Variants in PARVA observed in about 807,000 individuals in gnomAD.
PARVA encodes parvin alpha.
Under a neutral mutation model 52.6 loss-of-function variants are expected in PARVA, and 25 were observed. That is an observed-to-expected ratio of 0.48 (90% CI 0.35 to 0.66). The LOEUF (loss-of-function observed/expected upper bound fraction) is 0.66. PARVA is among the 30% of genes least tolerant of loss of function. PARVA has a pLI of 0.01. For synonymous variants in PARVA, 185 were observed against 179.1 expected, an observed-to-expected ratio of 1.03 and a Z score of -0.26; for missense variants, 373 against 450.9, an observed-to-expected ratio of 0.83 and a Z score of 1.56.
intron 1 of PARVA, among the ~76,000 whole-genome samples, chr11:12,396,747 C>G (rs1939752584): frequency 6.6e-6 from 1 of 152,134 alleles, no homozygotes; most frequent in African/African-American, 2.4e-5. Flanking sequence ...GTGTATTAAC[C>G]TAGCTAAAAC....
rs759885938 is a variant in PARVA at position 12,513,389 on chromosome 11, AG to A, written c.798+32del. The A allele has an allele frequency of 7.5e-6, 12 of 1,594,410 alleles. No homozygotes were observed. The East Asian group carries it at 2.7e-4, about 36-fold the overall frequency. The stretch of plus-strand genomic sequence containing the variant: ...GGAAAGGGGTGCCTGGGATGGACAG[AG>A]GGAAGCGAGATGCAACAGAACATTG... On this transcript the variant is annotated intron_variant, in intron 9 of 12. Coordinates refer to ENST00000334956, the MANE Select transcript of PARVA (RefSeq NM_018222.5).
chr11:12,385,626 C>A (rs941903030), intron 1 of PARVA, among the ~76,000 whole-genome samples: 2 of 152,122 alleles, frequency 1.3e-5, no homozygotes, highest in African/African-American at 4.8e-5. Context: ...CTTTATGAGA[C>A]CTATGACCTG....
intron 1 of PARVA, among the ~76,000 whole-genome samples, chr11:12,446,313 A>G (rs1940547219): frequency 6.6e-6 from 1 of 152,180 alleles, no homozygotes. Context: ...ACTGTGAGTT[A>G]CCACTCCCAC....
At chr11:12,377,897 G>A (rs1310840427) in intron 1 of PARVA, 114 bp downstream of exon 1, 5 of 557,416 alleles carry the variant, frequency 9.0e-6, no homozygotes, top group Non-Finnish European at 1.3e-5. Context: ...CGGCGCGGTG[G>A]GGCGCGCGGC....
intron 1 of PARVA, among the ~76,000 whole-genome samples, chr11:12,434,879 A>G (rs1047514838): frequency 1.3e-5 from 2 of 152,032 alleles, no homozygotes; most frequent in African/African-American, 4.8e-5. Context: ...GAAGATAATC[A>G]CTTAGTCTGC....
intron 1 of PARVA, among the ~76,000 whole-genome samples, chr11:12,378,125 C>T (rs1401985354): frequency 6.6e-6 from 1 of 151,750 alleles, no homozygotes; most frequent in African/African-American, 2.4e-5. Flanking sequence ...GGGGCCCCAG[C>T]CCGCAGACAG....
intron 7 of PARVA, among the ~76,000 whole-genome samples, chr11:12,509,320 A>G (rs924790079): frequency 6.6e-6 from 1 of 152,212 alleles, no homozygotes; most frequent in African/African-American, 2.4e-5. Flanking sequence ...TGCAAAGAGC[A>G]GAGGCTGCTA....
At chr11:12,463,615 C>G (rs112679022) in intron 1 of PARVA, among the ~76,000 whole-genome samples, 1 of 152,156 alleles carries the variant, frequency 6.6e-6, no homozygotes, top group African/African-American at 2.4e-5. Context: ...CACATTTCTC[C>G]ACTGTAAAGC....
intron 1 of PARVA, among the ~76,000 whole-genome samples, chr11:12,403,765 G>A (rs1939862802): frequency 6.6e-6 from 1 of 152,170 alleles, no homozygotes; most frequent in African/African-American, 2.4e-5. Context: ...CAAACTTTCA[G>A]CTGACCTGCA....
intron 1 of PARVA, among the ~76,000 whole-genome samples, chr11:12,415,174 TACAC>T (rs1940047966): frequency 6.6e-6 from 1 of 152,190 alleles, no homozygotes; most frequent in South Asian, 2.1e-4. Context: ...AGGCTGTGCT[TACAC>T]AGATGGGCGT....
intron 1 of PARVA, among the ~76,000 whole-genome samples, chr11:12,455,482 G>T (rs958426731): frequency 6.6e-6 from 1 of 151,928 alleles, no homozygotes; most frequent in South Asian, 2.1e-4. Flanking sequence ...AAATATTTTT[G>T]ATGTGTTTTG....
intron 12 of PARVA, among the ~76,000 whole-genome samples, chr11:12,522,713 C>T (rs1941653864): frequency 6.6e-6 from 1 of 151,954 alleles, no homozygotes. Flanking sequence ...GCCACCCTGC[C>T]CGGCCAAGAA....
Position 12,477,965 on chromosome 11 carries a change from G to A in PARVA, c.400+16G>A, listed in dbSNP as rs750642878. 64 of 1,338,340 alleles carry A rather than the reference G, an allele frequency of 4.8e-5. No homozygotes were observed. The highest frequency in any genetic ancestry group is 6.3e-5 in the Non-Finnish European group (58 of 927,966). 82.9% of individuals were successfully genotyped at this position (1,338,340 alleles called of 1,614,324 possible). A position where few individuals can be genotyped will look rare whatever the true frequency, so the allele number is the denominator to read the frequency against. On this transcript the variant is annotated intron_variant, in intron 4 of 12. Coordinates refer to ENST00000334956, the MANE Select transcript of PARVA (RefSeq NM_018222.5). ...AAGCTTTTCGGTAGGAGAGTTGAGT[G>A]CTGCAATGGATGTGTGTTTAATTGC...
chr11:12,508,126 A>AAAAAAAAAAAC (rs1941459212), intron 6 of PARVA, among the ~76,000 whole-genome samples: 2 of 66,488 alleles, frequency 3.0e-5, no homozygotes, highest in African/African-American at 1.5e-4. Flanking sequence ...AAAAAAACCA[A>AAAAAAAAAAAC]AAAAAAAAAC....
chr11:12,437,958 T>C (rs762671544), intron 1 of PARVA, among the ~76,000 whole-genome samples: 42 of 152,152 alleles, frequency 2.8e-4, no homozygotes, highest in Non-Finnish European at 5.1e-4. Context: ...CTTCTGGTTC[T>C]ATAAAAGAAT....
At chr11:12,406,977 G>T (rs1289179080) in intron 1 of PARVA, among the ~76,000 whole-genome samples, 1 of 151,736 alleles carries the variant, frequency 6.6e-6, no homozygotes, top group East Asian at 1.9e-4. Flanking sequence ...GCCTGTATCT[G>T]GTTTTTATTA....
chr11:12,453,093 G>T, intron 1 of PARVA: 1 of 453,538 alleles, frequency 2.2e-6, no homozygotes, highest in South Asian at 1.6e-5. Context: ...TGTTGGGGGG[G>T]CGCCCTGGCC....
chr11:12,424,183 G>A (rs1168845554), intron 1 of PARVA, among the ~76,000 whole-genome samples: 1 of 151,902 alleles, frequency 6.6e-6, no homozygotes, highest in African/African-American at 2.4e-5. Context: ...ATTCTCAGAT[G>A]TTCTTTAATG....
Position 12,450,343 on chromosome 11 carries a change from G to A in PARVA, c.137-23402G>A, listed in dbSNP as rs534576850. On this transcript the variant is annotated intron_variant, in intron 1 of 12. Transcript: ENST00000334956. The stretch of plus-strand genomic sequence containing the variant: ...ACTTTGCTTGTATTTATTAATTTGT[G>A]TATTTCTTAGATTAATGTCTGTTTT... Among the ~76,000 whole-genome samples, 4 of 152,290 alleles carry A rather than the reference G, an allele frequency of 2.6e-5. 1 individual carries two copies. In the South Asian group the frequency reaches 8.3e-4, roughly 32 times the overall value.
Sources: allele counts gnomAD v4.1 joint callset (sites outside exome capture counted in the v4.1 genomes callset), GRCh38; gene constraint gnomAD v4.1.1; transcripts MANE v1.5; gene names NCBI Gene and HGNC (gene_info 2026-07-23, HGNC 2026-07-21).